The following DYM variants were observed in gnomAD, a reference collection of about 807,000 sequenced individuals.
DYM encodes dymeclin.
Under a neutral mutation model 93.1 loss-of-function variants are expected in DYM, and 78 were observed. The ratio of observed to expected loss-of-function variants is 0.84; its 90% CI spans 0.70 to 1.01. DYM has a LOEUF of 1.01. Among genes scored for constraint, DYM ranks in the 50% least tolerant of loss-of-function variants. The probability of loss-of-function intolerance (pLI) is 0.00; values close to 1 mark genes in which losing one functional copy is unlikely to be tolerated. For synonymous variants in DYM, 321 were observed against 319.7 expected (o/e 1.00, Z -0.04); for missense variants, 789 against 845.0 (o/e 0.93, Z 0.82).
chr18:49,205,526 A>G (rs2092429183), intron 14 of DYM, among the ~76,000 whole-genome samples: 1 of 152,124 alleles, frequency 6.6e-6, no homozygotes, highest in East Asian at 1.9e-4. Context: ...ATTATAAAAT[A>G]TACTGAAATA....
chr18:49,422,259 G>C (rs1389178768), intron 2 of DYM, among the ~76,000 whole-genome samples: 2 of 152,158 alleles, frequency 1.3e-5, no homozygotes, highest in Non-Finnish European at 2.9e-5. Context: ...CAGAGAGAAA[G>C]GTTGGGTTAC....
At chr18:49,103,487 T>C (rs28802344) in intron 16 of DYM, among the ~76,000 whole-genome samples, 7 of 152,200 alleles carry the variant, frequency 4.6e-5, no homozygotes, top group East Asian at 1.9e-4. Flanking sequence ...AGTCCTTGCC[T>C]ATGTCTATGT....
chr18:49,087,558 T>C (rs546501957), intron 17 of DYM, among the ~76,000 whole-genome samples: 2 of 152,178 alleles, frequency 1.3e-5, no homozygotes, highest in Non-Finnish European at 2.9e-5. Context: ...CCATTGTATG[T>C]TTACTGCAAT....
chr18:49,228,654 A>C (rs2093609993), intron 13 of DYM, among the ~76,000 whole-genome samples: 3 of 152,140 alleles, frequency 2.0e-5, no homozygotes, highest in Non-Finnish European at 4.4e-5. Flanking sequence ...GATTATTTTA[A>C]ATCAAAATCC....
At chr18:49,218,539 A>G (rs1325290799) in intron 13 of DYM, among the ~76,000 whole-genome samples, 1 of 152,140 alleles carries the variant, frequency 6.6e-6, no homozygotes, top group Non-Finnish European at 1.5e-5. Context: ...AAAGAACAGA[A>G]ATTATAACAA....
chr18:49,069,781 G>A (rs1401757601), intron 17 of DYM, among the ~76,000 whole-genome samples: 1 of 152,180 alleles, frequency 6.6e-6, no homozygotes, highest in Non-Finnish European at 1.5e-5. Flanking sequence ...GGTGGCTCAC[G>A]CCTGTAATCC....
At chr18:49,191,691 G>C (rs1036601765) in intron 14 of DYM, among the ~76,000 whole-genome samples, 1 of 152,136 alleles carries the variant, frequency 6.6e-6, no homozygotes. Context: ...TAGTGAAATT[G>C]TGAGTAGGTA....
chr18:49,447,853 G>A (rs1338662850), intron 1 of DYM, among the ~76,000 whole-genome samples: 2 of 152,154 alleles, frequency 1.3e-5, no homozygotes, highest in African/African-American at 2.4e-5. Flanking sequence ...TATAGCTCAA[G>A]GGGAAGCGTC....
At chr18:49,346,022 T>C (rs1159053023) in intron 6 of DYM, among the ~76,000 whole-genome samples, 2 of 152,194 alleles carry the variant, frequency 1.3e-5, no homozygotes, top group Admixed American at 1.3e-4. Flanking sequence ...CCCTCTTTCA[T>C]GGCTGGCAGG....
intron 1 of DYM, among the ~76,000 whole-genome samples, 152 bp downstream of exon 1, chr18:49,460,246 G>A (rs986113709): frequency 2.0e-5 from 3 of 152,080 alleles, no homozygotes; most frequent in African/African-American, 7.2e-5. Flanking sequence ...TGGCCCAGGC[G>A]CCCGCGGGCA....
At chr18:49,145,134 T>TATATATATATAA (rs1555778609) in intron 15 of DYM, among the ~76,000 whole-genome samples, 1,217 of 79,440 alleles carry the variant, frequency 0.015, 126 homozygotes, top group Admixed American at 0.078. Context: ...TATATATATA[T>TATATATATATAA]AATTTATATA....
chr18:49,150,203 C>A (rs1223770496), intron 15 of DYM, among the ~76,000 whole-genome samples: 1 of 152,192 alleles, frequency 6.6e-6, no homozygotes, highest in Non-Finnish European at 1.5e-5. Context: ...AACTGGAATT[C>A]ATTAACTAGT....
intron 8 of DYM, among the ~76,000 whole-genome samples, chr18:49,294,186 G>A (rs1185281828): frequency 7.1e-6 from 1 of 140,660 alleles, no homozygotes; most frequent in Non-Finnish European, 1.6e-5. Context: ...TATCTGTTTT[G>A]GTACCAGTAC....
At chr18:49,363,289 T>A in intron 5 of DYM, 56 bp from the exon 6 acceptor site, 1 of 1,221,376 alleles carries the variant, frequency 8.2e-7, no homozygotes, top group Non-Finnish European at 1.2e-6. Context: ...AGAATACAGT[T>A]GTTCAGAAGT....
intron 2 of DYM, among the ~76,000 whole-genome samples, chr18:49,392,895 TGCA>T (rs2069450590): frequency 6.7e-6 from 1 of 149,520 alleles, no homozygotes. Flanking sequence ...CTTGGGAGGA[TGCA>T]GCAGGAGAAT....
At position 49,258,849 on chromosome 18, in the gene DYM, G is replaced by C. The variant is rs1224798889; in HGVS notation, c.1252-356C>G. 3.3e-3 allele frequency among the ~76,000 whole-genome samples: 222 copies of C among 67,618 alleles called. 5 individuals are homozygous for C. The highest frequency in any genetic ancestry group is 0.017 in the African/African-American group (204 of 12,310). 44.4% of individuals were successfully genotyped at this position (67,618 alleles called of 152,430 possible). On this transcript the variant is annotated intron_variant, in intron 11 of 17. Coordinates refer to ENST00000675505, the MANE Select transcript of DYM (RefSeq NM_001353214.3). ...AGACACACACACACACAGAGAGAGA[G>C]AGAGAGAGAGAGAGAGAGAGAGAGA...
intron 8 of DYM, among the ~76,000 whole-genome samples, chr18:49,317,544 T>C (rs893969657): frequency 1.4e-5 from 2 of 146,818 alleles, no homozygotes; most frequent in African/African-American, 2.5e-5. Flanking sequence ...TCCTTAGCCA[T>C]CTAGATTTCT....
chr18:49,346,189 C>T (rs965777625), intron 6 of DYM, among the ~76,000 whole-genome samples: 6 of 152,132 alleles, frequency 3.9e-5, no homozygotes. Context: ...ATGCTCAAAG[C>T]AGCATTACTC....
chr18:49,117,162 T>C (rs1294502797), intron 16 of DYM, among the ~76,000 whole-genome samples: 2 of 152,218 alleles, frequency 1.3e-5, no homozygotes, highest in African/African-American at 4.8e-5. Flanking sequence ...AATTCCCCGA[T>C]TCTGTTAATG....
Sources: gnomAD v4.1 joint callset for allele counts (sites outside exome capture counted in the v4.1 genomes callset) on GRCh38, gnomAD v4.1.1 for gene constraint, MANE v1.5 for transcripts, NCBI Gene and HGNC (gene_info 2026-07-23, HGNC 2026-07-21) for gene names.